ERCC6L2: variants seen among roughly 807,000 people sequenced by gnomAD.
The protein encoded by ERCC6L2 is DNA excision repair protein ERCC-6-like 2.
Under a neutral mutation model 132.0 loss-of-function variants are expected in ERCC6L2, and 77 were observed. The observed-to-expected ratio is 0.58, with a 90% CI of 0.49 to 0.71. The LOEUF is 0.71. Ranked by LOEUF, ERCC6L2 falls within the 30% of genes least tolerant of loss-of-function variation. ERCC6L2 has a pLI of 0.00. For synonymous variants in ERCC6L2, 583 were observed against 632.4 expected (o/e 0.92, Z 1.17); for missense variants, 1,542 against 1,837.6 (o/e 0.84, Z 2.94).
downstream of ERCC6L2, chr9:96,021,132 A>G: frequency 2.6e-6 from 1 of 387,466 alleles, no homozygotes; most frequent in Non-Finnish European, 5.1e-6. The surrounding 1 kb of genome is among the most constrained non-coding windows in gnomAD (Gnocchi z 4.7). Context: ...CGTCCCGGGG[A>G]ACCCCGCGGG....
At chr9:95,994,788 TC>T (rs11343019) in intron 17 of ERCC6L2, among the ~76,000 whole-genome samples, 99,363 of 152,076 alleles carry the variant, frequency 0.65, 33,341 homozygotes, top group African/African-American at 0.8. Flanking sequence ...TAGAGGCTGT[TC>T]CTTGATTGCA....
At chr9:95,954,479 A>G (rs1831500283) in intron 12 of ERCC6L2, among the ~76,000 whole-genome samples, 1 of 152,226 alleles carries the variant, frequency 6.6e-6, no homozygotes, top group Admixed American at 6.5e-5. Flanking sequence ...AATAAAGCTA[A>G]TGACCTACCT....
At position 95,928,701 on chromosome 9, in the gene ERCC6L2, T is replaced by C. The variant is rs1192470680; in HGVS notation, c.1606-18T>C. The C allele has an allele frequency of 6.3e-7, 1 of 1,587,374 alleles. No homozygotes were observed. The highest frequency in any genetic ancestry group is 8.5e-7 in the Non-Finnish European group (1 of 1,170,564). ...TAACCAAGATTCATGTTTGCCCATC[T>C]TCATACCTCTCGTCTAGTTGCTTGA... On this transcript the variant is annotated intron_variant, in intron 10 of 18. Coordinates refer to ENST00000653738, the MANE Select transcript of ERCC6L2 (RefSeq NM_020207.7).
In ERCC6L2 at chr9:95,939,066, A is replaced by G. The variant is rs116896795; in HGVS notation, c.1752-2388A>G. Among the ~76,000 whole-genome samples, 325 of 152,196 alleles carry G rather than the reference A, an allele frequency of 2.1e-3. 11 individuals are homozygous for G. In the East Asian group the frequency reaches 0.048, roughly 22 times the overall value. ...AAGTATAGAAATTTTACTTACATTT[A>G]AGCTTCTTTTCCTACTCCACTTTTA... On this transcript the variant is annotated intron_variant, in intron 11 of 18. Coordinates refer to ENST00000653738, the MANE Select transcript of ERCC6L2 (RefSeq NM_020207.7).
intron 3 of ERCC6L2, chr9:95,906,511 A>T (rs1445776465): frequency 2.6e-6 from 1 of 378,170 alleles, no homozygotes; most frequent in Non-Finnish European, 5.1e-6. Flanking sequence ...TATGGAAATG[A>T]ATATAGATAG....
At chr9:95,927,260 T>C (rs1830140186) in intron 9 of ERCC6L2, among the ~76,000 whole-genome samples, 1 of 152,168 alleles carries the variant, frequency 6.6e-6, no homozygotes, top group Admixed American at 6.5e-5. Flanking sequence ...GTAAGTGTTA[T>C]ATTGAGTATT....
rs41281216 is a variant in ERCC6L2, at chr9:96,017,364, G to A, written c.*4161G>A. 6.6e-6 allele frequency among the ~76,000 whole-genome samples: 1 copy of A among 152,206 alleles called. No homozygotes were observed. The highest frequency in any genetic ancestry group is 1.5e-5 in the Non-Finnish European group (1 of 67,986). Reference sequence around the variant, plus strand: ...TGCAGGGTTTCTCTAGGAAAACAGTGCATCTGATAGTTACTCTCTGCCCCT... The same window carrying A: ...TGCAGGGTTTCTCTAGGAAAACAGTACATCTGATAGTTACTCTCTGCCCCT... On this transcript the variant is annotated 3_prime_UTR_variant, in exon 19 of 19. Coordinates refer to ENST00000653738, the MANE Select transcript of ERCC6L2 (RefSeq NM_020207.7).
At chr9:95,983,486 G>A (rs1360003102) in intron 17 of ERCC6L2, among the ~76,000 whole-genome samples, 1 of 152,170 alleles carries the variant, frequency 6.6e-6, no homozygotes, top group Admixed American at 6.6e-5. Context: ...ATGCCTTCAA[G>A]GCAATGATAT....
intron 7 of ERCC6L2, among the ~76,000 whole-genome samples, chr9:95,921,683 A>G (rs1201645047): frequency 1.3e-5 from 2 of 152,198 alleles, no homozygotes; most frequent in Non-Finnish European, 1.5e-5. Flanking sequence ...TACTATTCTG[A>G]TGTTAGATAT....
intron 17 of ERCC6L2, among the ~76,000 whole-genome samples, chr9:95,992,637 T>C (rs1746672825): frequency 6.6e-6 from 1 of 152,236 alleles, no homozygotes; most frequent in African/African-American, 2.4e-5. Context: ...CTAGTTGTAA[T>C]GTCTCAGTGT....
chr9:95,959,571 A>G (rs1387740834), intron 13 of ERCC6L2, among the ~76,000 whole-genome samples: 1 of 152,092 alleles, frequency 6.6e-6, no homozygotes, highest in Admixed American at 6.6e-5. Flanking sequence ...AGCAAAAGAA[A>G]CTACCATCAG....
intron 2 of ERCC6L2, among the ~76,000 whole-genome samples, chr9:95,892,745 C>T (rs376575061): frequency 6.6e-6 from 1 of 152,100 alleles, no homozygotes; most frequent in Non-Finnish European, 1.5e-5. Context: ...TTCTTTTAAT[C>T]TGCTAGTTTT....
Position 96,038,904 on chromosome 9 carries a change from T to G in ERCC6L2, c.*1532T>G, listed in dbSNP as rs780034754. 2.0e-4 allele frequency: 91 copies of G among 456,294 alleles called. 1 individual carries two copies. In the Middle Eastern group the frequency reaches 8.1e-3, roughly 41 times the overall value. The allele number at this position is 456,294 out of a possible 1,614,324, so 28.3% of individuals were successfully genotyped here. Reference sequence around the variant, plus strand: ...ACAAAGCTCCTTCTCAAACTTGTTCTGGAGGAAGCCAGCAGCCATGTCATA... The same window carrying G: ...ACAAAGCTCCTTCTCAAACTTGTTCGGGAGGAAGCCAGCAGCCATGTCATA... On this transcript the variant is annotated 3_prime_UTR_variant and NMD_transcript_variant, in exon 20 of 21. Transcript: ENST00000670016.
intron 2 of ERCC6L2, among the ~76,000 whole-genome samples, chr9:95,884,663 C>T (rs1827770321): frequency 6.6e-6 from 1 of 151,986 alleles, no homozygotes; most frequent in African/African-American, 2.4e-5. Flanking sequence ...TTACACTCTA[C>T]AGGGGATGAG....
rs1466126333 is a variant in ERCC6L2, at chr9:96,013,944, C to G, written c.*741C>G. ...AGGTTTGTATAGTACTTTTGTAGTT[C>G]TTAAGTATGAAGAAATGGGTAAACT... is the stretch of plus-strand genomic sequence containing the variant. On this transcript the variant is annotated 3_prime_UTR_variant, in exon 19 of 19. Coordinates refer to ENST00000653738, the MANE Select transcript of ERCC6L2 (RefSeq NM_020207.7). 1.3e-5 allele frequency: 2 copies of G among 152,034 alleles called. No homozygotes were observed. The highest frequency in any genetic ancestry group is 1.9e-4 in the East Asian group (1 of 5,198). The allele number at this position is 152,034 out of a possible 1,614,324, so 9.4% of individuals were successfully genotyped here. A position where few individuals can be genotyped will look rare whatever the true frequency, so the allele number is the denominator to read the frequency against.
intron 3 of ERCC6L2, chr9:95,906,534 A>C (rs1208906537): frequency 1.7e-5 from 7 of 416,660 alleles, no homozygotes; most frequent in Non-Finnish European, 3.3e-5. Context: ...TATTGATAGG[A>C]TACTGAGAGA....
At chr9:95,944,931 C>T (rs958246883) in intron 12 of ERCC6L2, among the ~76,000 whole-genome samples, 10 of 152,176 alleles carry the variant, frequency 6.6e-5, no homozygotes, top group South Asian at 2.1e-4. Flanking sequence ...GGAGGCAGGG[C>T]GAGATCACAG....
chr9:95,941,401 A>C, intron 11 of ERCC6L2, 53 bp from the exon 12 acceptor site: 1 of 1,324,642 alleles, frequency 7.5e-7, no homozygotes, highest in Non-Finnish European at 1.1e-6. Context: ...GTTATAGCAC[A>C]ACAGTTAGTT....
At chr9:95,958,171 A>G (rs779162045) in intron 13 of ERCC6L2, among the ~76,000 whole-genome samples, 6 of 151,568 alleles carry the variant, frequency 4.0e-5, no homozygotes, top group Middle Eastern at 3.4e-3. Flanking sequence ...ATGATTTCCA[A>G]TGTCATCCAT....
Sources: gnomAD v4.1 joint callset for allele counts (sites outside exome capture counted in the v4.1 genomes callset) on GRCh38, gnomAD v4.1.1 for gene constraint, Gnocchi (gnomAD v3.1) non-coding constraint, MANE v1.5 for transcripts, NCBI Gene and HGNC (gene_info 2026-07-23, HGNC 2026-07-21) for gene names.